The following GPC6 variants were observed in gnomAD, a reference collection of about 807,000 sequenced individuals.
The protein encoded by GPC6 is glypican 6.
Under a neutral mutation model 55.2 loss-of-function variants are expected in GPC6, and 14 were observed. The observed-to-expected ratio is 0.25, with a 90% CI of 0.17 to 0.40. The LOEUF (loss-of-function observed/expected upper bound fraction) is 0.40, where lower values mean the gene tolerates loss of function less well. GPC6 is among the 10% of genes least tolerant of loss of function. The pLI, the probability that GPC6 is intolerant of heterozygous loss-of-function variation, is 1.00. For missense variants in GPC6, 641 were observed against 708.5 expected, an observed-to-expected ratio of 0.90 and a Z score of 1.08; for synonymous variants, 278 against 259.6, an observed-to-expected ratio of 1.07 and a Z score of -0.68.
chr13:93,687,717 A>G (rs1016840309), intron 2 of GPC6, among the ~76,000 whole-genome samples: 8 of 152,074 alleles, frequency 5.3e-5, no homozygotes, highest in African/African-American at 9.7e-5. Flanking sequence ...ATCTGTTACT[A>G]CTATTTTTAA....
chr13:93,268,235 A>G (rs1877391546), intron 1 of GPC6, among the ~76,000 whole-genome samples: 1 of 152,164 alleles, frequency 6.6e-6, no homozygotes. Flanking sequence ...GGCAGTTGGT[A>G]TGTAGTGCTT....
rs925804960 is a variant in GPC6 at position 93,842,026 on chromosome 13, G to A, written c.711+11481G>A. Among the ~76,000 whole-genome samples the A allele has an allele frequency of 3.3e-5, 5 of 152,138 alleles. No homozygotes were observed. The East Asian group carries it at 7.7e-4, about 23-fold the overall frequency. On this transcript the variant is annotated intron_variant, in intron 3 of 8. Transcript: ENST00000377047. ...AAATATATTCATTTATAAATAATGG[G>A]TTTTAAAATTTTCATTTGCTCTCAG...
chr13:93,305,427 G>A (rs1330196670), intron 1 of GPC6, among the ~76,000 whole-genome samples: 1 of 152,120 alleles, frequency 6.6e-6, no homozygotes, highest in Non-Finnish European at 1.5e-5. Flanking sequence ...CAGGATTGGT[G>A]ATTATTGTGA....
At chr13:93,825,315 T>G (rs1887193152) in intron 2 of GPC6, among the ~76,000 whole-genome samples, 1 of 152,160 alleles carries the variant, frequency 6.6e-6, no homozygotes, top group Admixed American at 6.5e-5. Context: ...CCCAAACCCC[T>G]GCCCAAAGAA....
At chr13:93,559,296 A>C (rs1237010554) in intron 2 of GPC6, among the ~76,000 whole-genome samples, 1 of 152,176 alleles carries the variant, frequency 6.6e-6, no homozygotes, top group African/African-American at 2.4e-5. Flanking sequence ...GTCTATTGAA[A>C]TTGCTAAATT....
At chr13:93,592,201 T>C (rs1451355503) in intron 2 of GPC6, among the ~76,000 whole-genome samples, 1 of 151,600 alleles carries the variant, frequency 6.6e-6, no homozygotes, top group African/African-American at 2.4e-5. Context: ...AGTTGTTTTT[T>C]TGAACTGGAG....
chr13:94,187,189 C>CCCA (rs1426564174), intron 4 of GPC6: 4 of 152,160 alleles, frequency 2.6e-5, no homozygotes, highest in African/African-American at 9.7e-5. Flanking sequence ...TGTATCCTCC[C>CCCA]TCAAAAGAAG....
chr13:94,207,884 C>G (rs1889952907), intron 4 of GPC6, among the ~76,000 whole-genome samples: 1 of 152,160 alleles, frequency 6.6e-6, no homozygotes, highest in Non-Finnish European at 1.5e-5. Context: ...TTGCGATTTA[C>G]TTTTGCACCA....
intron 4 of GPC6, among the ~76,000 whole-genome samples, chr13:94,095,084 C>T (rs1885613803): frequency 1.3e-5 from 2 of 151,968 alleles, no homozygotes. Context: ...CGTTTCTGTA[C>T]TACCTTGAAA....
chr13:93,752,735 G>C (rs1008687105), intron 2 of GPC6, among the ~76,000 whole-genome samples: 19 of 152,132 alleles, frequency 1.2e-4, no homozygotes, highest in African/African-American at 4.6e-4. Context: ...CTAAAGGCCT[G>C]ACTCATGCCA....
intron 6 of GPC6, among the ~76,000 whole-genome samples, chr13:94,377,087 C>T (rs1879901738): frequency 6.7e-6 from 1 of 150,220 alleles, no homozygotes; most frequent in Admixed American, 6.6e-5. Context: ...GACCTAAAAC[C>T]ATAAAAACCC....
intron 1 of GPC6, among the ~76,000 whole-genome samples, chr13:93,343,318 G>A (rs1423586373): frequency 2.0e-5 from 3 of 152,114 alleles, no homozygotes; most frequent in South Asian, 2.1e-4. Flanking sequence ...AGTCCCATAC[G>A]TTCCTTGTGC....
At chr13:93,915,167 G>A (rs1415385212) in intron 3 of GPC6, among the ~76,000 whole-genome samples, 1 of 152,166 alleles carries the variant, frequency 6.6e-6, no homozygotes, top group Non-Finnish European at 1.5e-5. Context: ...CTAGTGAAGA[G>A]TCATTAGCTG....
intron 6 of GPC6, among the ~76,000 whole-genome samples, chr13:94,337,128 A>C (rs1877749811): frequency 6.6e-6 from 1 of 152,174 alleles, no homozygotes; most frequent in Non-Finnish European, 1.5e-5. Flanking sequence ...CCTTTGAACC[A>C]ACACATTTGC....
chr13:94,099,779 A>G (rs1001013249), intron 4 of GPC6, among the ~76,000 whole-genome samples: 2 of 152,186 alleles, frequency 1.3e-5, no homozygotes, highest in Non-Finnish European at 2.9e-5. Context: ...GATGTAAATT[A>G]TCAGGTGGCT....
chr13:93,503,039 G>A (rs2813589), intron 1 of GPC6, among the ~76,000 whole-genome samples: 150,239 of 152,294 alleles, frequency 0.99, 74,137 homozygotes, highest in East Asian at 1. Context: ...TGGCAAAACT[G>A]TGAAGTAGAT....
At chr13:94,147,664 G>A (rs1362990173) in intron 4 of GPC6, among the ~76,000 whole-genome samples, 2 of 152,072 alleles carry the variant, frequency 1.3e-5, no homozygotes, top group African/African-American at 4.8e-5. Context: ...CACTTACCCT[G>A]AGGCCCTGGC....
At chr13:93,718,331 T>C (rs1450979664) in intron 2 of GPC6, among the ~76,000 whole-genome samples, 1 of 152,118 alleles carries the variant, frequency 6.6e-6, no homozygotes, top group East Asian at 1.9e-4. Context: ...TATCTCACTG[T>C]GGTTTTGATT....
chr13:93,923,954 TTGGATGTGGAATGGAA>T (rs1416536563), intron 3 of GPC6, among the ~76,000 whole-genome samples: 2 of 152,130 alleles, frequency 1.3e-5, no homozygotes, highest in Non-Finnish European at 2.9e-5. Context: ...ATCCACATCC[TTGGATGTGGAATGGAA>T]TGGATGTGGA....
Sources: allele counts gnomAD v4.1 joint callset (sites outside exome capture counted in the v4.1 genomes callset), GRCh38; gene constraint gnomAD v4.1.1; transcripts MANE v1.5; gene names NCBI Gene and HGNC (gene_info 2026-07-23, HGNC 2026-07-21).